The following USP38 variants were observed in gnomAD, a reference collection of about 807,000 sequenced individuals.
USP38 encodes ubiquitin carboxyl-terminal hydrolase 38.
USP38 carries 49 observed loss-of-function variants against 94.3 expected under a neutral mutation model. The observed-to-expected ratio is 0.52, with a 90% CI of 0.41 to 0.66. The LOEUF is 0.66. Ranked by LOEUF, USP38 falls within the 30% of genes least tolerant of loss-of-function variation. The pLI, the probability that USP38 is intolerant of heterozygous loss-of-function variation, is 0.00. For missense variants in USP38, 1,128 were observed against 1,229.4 expected (o/e 0.92, Z 1.23); for synonymous variants, 468 against 463.6 (o/e 1.01, Z -0.12).
At chr4:143,188,620 G>T (rs1731301567) in intron 2 of USP38, among the ~76,000 whole-genome samples, 2 of 151,898 alleles carry the variant, frequency 1.3e-5, no homozygotes, top group African/African-American at 4.8e-5. Flanking sequence ...GCATTTCTAG[G>T]TATAATCTTA....
At chr4:143,186,185 C>G in intron 1 of USP38, 53 bp downstream of exon 1, 2 of 1,530,870 alleles carry the variant, frequency 1.3e-6, no homozygotes, top group Non-Finnish European at 8.9e-7. Context: ...ATATGTCTCT[C>G]TTGCACACAC....
At chr4:143,203,286 C>G in intron 4 of USP38, 122 bp from the exon 5 acceptor site, 1 of 981,760 alleles carries the variant, frequency 1.0e-6, no homozygotes, top group Non-Finnish European at 1.5e-6. Flanking sequence ...AAGAAAAACT[C>G]TGTGACTGCA....
intron 7 of USP38, 140 bp from the exon 8 acceptor site, chr4:143,212,178 A>G: frequency 1.9e-6 from 1 of 536,780 alleles, no homozygotes; most frequent in South Asian, 3.0e-5. Context: ...ATCTGTCCCT[A>G]AGTTGCCACG....
At chr4:143,205,363 T>G (rs1427436147) in intron 5 of USP38, among the ~76,000 whole-genome samples, 1 of 152,226 alleles carries the variant, frequency 6.6e-6, no homozygotes, top group Admixed American at 6.5e-5. Flanking sequence ...CAACTTCCCT[T>G]ACTCTCCAGT....
chr4:143,202,520 C>T (rs971238285), intron 4 of USP38, among the ~76,000 whole-genome samples: 23 of 151,752 alleles, frequency 1.5e-4, no homozygotes, highest in African/African-American at 5.3e-4. Flanking sequence ...TATGTAGTAT[C>T]AGATTATAAT....
In USP38 at chr4:143,187,762, T is replaced by C. The variant is rs1249114180; in HGVS notation, c.683-64T>C. 2.6e-6 allele frequency: 4 copies of C among 1,513,632 alleles called. No homozygotes were observed. The African/African-American group carries it at 5.6e-5, about 21-fold the overall frequency. The allele number at this position is 1,513,632 out of a possible 1,614,324, so 93.8% of individuals were successfully genotyped here. A position where few individuals can be genotyped will look rare whatever the true frequency, so the allele number is the denominator to read the frequency against. On this transcript the variant is annotated intron_variant, in intron 1 of 9. Transcript: ENST00000307017. ...AATGACTTTTTTTTTTTGTAAAGTG[T>C]TGTTCTTTTTAAATACTTGAACCTA...
intron 4 of USP38, among the ~76,000 whole-genome samples, chr4:143,200,821 G>A (rs577174629): frequency 1.1e-4 from 16 of 152,178 alleles, no homozygotes; most frequent in African/African-American, 3.9e-4. Flanking sequence ...AGCTAACCAG[G>A]GAGGTGAAAG....
At chr4:143,194,554 C>G (rs557710754) in intron 2 of USP38, among the ~76,000 whole-genome samples, 87 of 152,160 alleles carry the variant, frequency 5.7e-4, no homozygotes, top group African/African-American at 2.0e-3. Context: ...GTTGTCCAGG[C>G]TGGAGTGCAG....
chr4:143,189,043 A>T (rs747968005), intron 2 of USP38, among the ~76,000 whole-genome samples: 1 of 152,050 alleles, frequency 6.6e-6, no homozygotes, highest in Non-Finnish European at 1.5e-5. Flanking sequence ...AAAGCAGACA[A>T]AAAGAGGGAT....
Position 143,214,476 on chromosome 4 carries a change from T to C in USP38, c.2500T>C (p.Cys834Arg), listed in dbSNP as rs1732127481. 1 of 1,613,394 alleles carries C rather than the reference T, an allele frequency of 6.2e-7. No individual in the cohort carries two copies. The highest frequency in any genetic ancestry group is 8.5e-7 in the Non-Finnish European group (1 of 1,179,766). ...LKPSGTDEAS[C>R]TKLVPYLLSS... ...GCCTTCAGGGACTGATGAAGCTTCC[T>C]GCACAAAATTGGTGCCCTATCTATT... Residue 834 changes from cysteine to arginine, a missense_variant, in exon 9 of 10, where the codon TGC (cysteine) becomes CGC (arginine). Physicochemically the swap from Cys to Arg is radical, Grantham distance 180. Coordinates refer to ENST00000307017, the MANE Select transcript of USP38 (RefSeq NM_032557.6).
At chr4:143,204,063 C>G (rs750017640) in intron 5 of USP38, among the ~76,000 whole-genome samples, 1 of 151,772 alleles carries the variant, frequency 6.6e-6, no homozygotes, top group Non-Finnish European at 1.5e-5. Flanking sequence ...CTCACTGCAA[C>G]CTTCACCTCC....
intron 4 of USP38, 55 bp downstream of exon 4, chr4:143,197,979 TTTAATA>T: frequency 7.7e-7 from 1 of 1,306,544 alleles, no homozygotes; most frequent in South Asian, 1.3e-5. Flanking sequence ...GAAAATTTAG[TTTAATA>T]TTGAGTCACA....
At chr4:143,196,569 A>G (rs932538203) in intron 3 of USP38, among the ~76,000 whole-genome samples, 1 of 152,062 alleles carries the variant, frequency 6.6e-6, no homozygotes, top group African/African-American at 2.4e-5. Context: ...GTCCTCCTTC[A>G]CAGGCTTATC....
chr4:143,187,359 A>G (rs557242506), intron 1 of USP38, among the ~76,000 whole-genome samples: 2 of 152,216 alleles, frequency 1.3e-5, no homozygotes, highest in East Asian at 1.9e-4. Context: ...AGTGCCCCCA[A>G]AAGTCACCTT....
Position 143,185,642 on chromosome 4 carries a change from G to C in USP38, c.192G>C (p.Val64=), listed in dbSNP as rs1229679493. ...DPFQRQVGHQ[V]LEAYARYHRP... ...TCCAGCGGCAGGTGGGGCACCAGGTGCTGGAGGCCTACGCACGATACCACC... is the reference window on the plus strand; with the variant it reads ...TCCAGCGGCAGGTGGGGCACCAGGTCCTGGAGGCCTACGCACGATACCACC... The change falls in exon 1 of 10, where the codon GTG becomes GTC. Residue 64 remains valine (V), a synonymous_variant. Transcript: ENST00000307017. The C allele has an allele frequency of 1.2e-6, 2 of 1,614,138 alleles. No homozygotes were observed.
At chr4:143,188,418 C>G (rs1224144772) in intron 2 of USP38, among the ~76,000 whole-genome samples, 2 of 151,918 alleles carry the variant, frequency 1.3e-5, no homozygotes, top group African/African-American at 4.8e-5. Flanking sequence ...GATGATTTGG[C>G]AAGATACAGA....
At chr4:143,211,248 CAG>C (rs1161722988) in intron 7 of USP38, among the ~76,000 whole-genome samples, 3 of 152,124 alleles carry the variant, frequency 2.0e-5, no homozygotes, top group Non-Finnish European at 2.9e-5. Context: ...AGCAGCCTGA[CAG>C]AGATTATTTT....
chr4:143,210,283 G>A (rs966313764), intron 7 of USP38, among the ~76,000 whole-genome samples: 8 of 152,096 alleles, frequency 5.3e-5, no homozygotes, highest in Non-Finnish European at 1.0e-4. Context: ...TGCAGTCAGT[G>A]ATAAGCATTA....
Position 143,185,539 on chromosome 4 carries a change from A to G in USP38, c.89A>G (p.Glu30Gly), listed in dbSNP as rs760865362. Reference sequence around the variant, plus strand: ...GTGCGGAAGGTGGTGGAATCGGCGGAGCACTGGCTAGACGAGGCGCAGTGC... The same window carrying G: ...GTGCGGAAGGTGGTGGAATCGGCGGGGCACTGGCTAGACGAGGCGCAGTGC... ...VIVRKVVESAEHWLDEAQCEA... is the reference protein window; with the variant it reads ...VIVRKVVESAGHWLDEAQCEA... Residue 30 changes from glutamate to glycine, a missense_variant, in exon 1 of 10, where the codon GAG (glutamate) becomes GGG (glycine). Coordinates refer to ENST00000307017, the MANE Select transcript of USP38 (RefSeq NM_032557.6). The G allele has an allele frequency of 1.9e-6, 3 of 1,613,814 alleles. No individual in the cohort carries two copies. The highest frequency in any genetic ancestry group is 1.1e-5 in the South Asian group (1 of 91,020).
Sources: allele counts gnomAD v4.1 joint callset (sites outside exome capture counted in the v4.1 genomes callset), GRCh38; gene constraint gnomAD v4.1.1; transcripts MANE v1.5; gene names NCBI Gene and HGNC (gene_info 2026-07-23, HGNC 2026-07-21).